Variants in EFCAB3 observed in about 807,000 individuals in gnomAD.
The protein encoded by EFCAB3 is EF-hand calcium-binding domain-containing protein 3.
EFCAB3 carries 36 observed loss-of-function variants against 42.2 expected under a neutral mutation model. The ratio of observed to expected loss-of-function variants is 0.85; its 90% CI spans 0.65 to 1.13. The LOEUF (loss-of-function observed/expected upper bound fraction) is 1.13. Ranked by LOEUF, EFCAB3 falls within the 50% of genes most tolerant of loss-of-function variation. The pLI is 0.00. For synonymous variants in EFCAB3, 170 were observed against 172.8 expected, an observed-to-expected ratio of 0.98 and a Z score of 0.13; for missense variants, 418 against 505.1, an observed-to-expected ratio of 0.83 and a Z score of 1.65.
chr17:62,405,698 T>G (rs1312010746), intron 6 of EFCAB3, among the ~76,000 whole-genome samples: 1 of 152,250 alleles, frequency 6.6e-6, no homozygotes, highest in African/African-American at 2.4e-5. Flanking sequence ...GTCAGATGTT[T>G]ATACTATGGA....
chr17:62,386,828 A>T (rs186980959), intron 2 of EFCAB3, among the ~76,000 whole-genome samples: 136 of 152,072 alleles, frequency 8.9e-4, no homozygotes, highest in Middle Eastern at 6.8e-3. Context: ...TCACTCTGTC[A>T]CCCAGGCTGA....
chr17:62,412,830 T>C (rs1368483577), intron 8 of EFCAB3, among the ~76,000 whole-genome samples: 2 of 148,948 alleles, frequency 1.3e-5, no homozygotes, highest in Admixed American at 6.7e-5. Flanking sequence ...AGGAAGAAAA[T>C]AGAAAGTCCC....
intron 6 of EFCAB3, chr17:62,398,043 A>G: frequency 3.5e-6 from 1 of 283,384 alleles, no homozygotes; most frequent in Non-Finnish European, 6.6e-6. Context: ...AAAAAAAAAA[A>G]AAAGGTGATA....
At chr17:62,373,443 A>C (rs2070128306) in intron 1 of EFCAB3, among the ~76,000 whole-genome samples, 1 of 143,546 alleles carries the variant, frequency 7.0e-6, no homozygotes, top group Non-Finnish European at 1.5e-5. Flanking sequence ...GGAGACCCCC[A>C]TCTCTACAAA....
At chr17:62,406,013 A>C (rs1231681053) in intron 6 of EFCAB3, among the ~76,000 whole-genome samples, 1 of 152,136 alleles carries the variant, frequency 6.6e-6, no homozygotes, top group Non-Finnish European at 1.5e-5. Flanking sequence ...GTTTGCATTC[A>C]AGCTGGTACC....
At chr17:62,374,382 A>T (rs1598002343) in intron 2 of EFCAB3, among the ~76,000 whole-genome samples, 1 of 152,002 alleles carries the variant, frequency 6.6e-6, no homozygotes, top group African/African-American at 2.4e-5. Context: ...AATCGCTTGA[A>T]CCTGGAAGGC....
chr17:62,396,639 T>A (rs547522818), intron 6 of EFCAB3, among the ~76,000 whole-genome samples: 26 of 151,824 alleles, frequency 1.7e-4, no homozygotes, highest in Non-Finnish European at 3.5e-4. Context: ...GCACCTGTAA[T>A]CTCAGCTACT....
intron 6 of EFCAB3, among the ~76,000 whole-genome samples, chr17:62,400,325 C>A (rs2070389876): frequency 6.6e-6 from 1 of 152,004 alleles, no homozygotes; most frequent in Non-Finnish European, 1.5e-5. Flanking sequence ...GTGTGCTGCA[C>A]CCATTAACTC....
intron 9 of EFCAB3, among the ~76,000 whole-genome samples, chr17:62,415,618 C>A (rs184283767): frequency 1.3e-5 from 2 of 152,054 alleles, no homozygotes; most frequent in African/African-American, 4.8e-5. Context: ...CCACTTACTC[C>A]GTCAATTTGA....
At chr17:62,380,439 A>G, upstream of EFCAB3, 2 of 332,898 alleles carry the variant, frequency 6.0e-6, no homozygotes, top group Non-Finnish European at 8.6e-6. Flanking sequence ...GTGCTGAATG[A>G]ACCACACTGA....
At chr17:62,411,589 T>C (rs984656819) in intron 8 of EFCAB3, among the ~76,000 whole-genome samples, 1 of 151,920 alleles carries the variant, frequency 6.6e-6, no homozygotes, top group African/African-American at 2.4e-5. Context: ...GCCAACATGA[T>C]GAAACCCCAT....
intron 3 of EFCAB3, among the ~76,000 whole-genome samples, chr17:62,390,388 A>G (rs957466026): frequency 6.6e-6 from 1 of 152,238 alleles, no homozygotes; most frequent in Non-Finnish European, 1.5e-5. Flanking sequence ...TCATGCAGGT[A>G]CAGGTGCTGG....
chr17:62,373,965 T>C, intron 2 of EFCAB3: 2 of 585,280 alleles, frequency 3.4e-6, no homozygotes, highest in South Asian at 6.6e-5. Flanking sequence ...TATATGTTCA[T>C]TATAGAAAAT....
intron 6 of EFCAB3, among the ~76,000 whole-genome samples, chr17:62,405,000 G>A (rs549672025): frequency 3.3e-5 from 5 of 152,352 alleles, no homozygotes; most frequent in African/African-American, 1.2e-4. Flanking sequence ...ATCAGCTGGA[G>A]TGATTGTTAA....
chr17:62,416,386 T>G lies in EFCAB3; in HGVS notation c.*57T>G. ...AACTACTTTTTCATAGTTATCAAAATTATTGTTTCTTGCTTTTGTCTAAGT... is the reference window on the plus strand; with the variant it reads ...AACTACTTTTTCATAGTTATCAAAAGTATTGTTTCTTGCTTTTGTCTAAGT... On this transcript the variant is annotated 3_prime_UTR_variant, in exon 10 of 10. Coordinates refer to ENST00000305286, the MANE Select transcript of EFCAB3 (RefSeq NM_173503.4). 7.6e-7 allele frequency: 1 copy of G among 1,316,862 alleles called. No individual in the cohort carries two copies. The highest frequency in any genetic ancestry group is 1.0e-6 in the Non-Finnish European group (1 of 967,788). 81.6% of individuals were successfully genotyped at this position (1,316,862 alleles called of 1,614,324 possible).
rs559222572 is a variant in EFCAB3 at position 62,407,313 on chromosome 17, T to C, written c.867+101T>C. 2.7e-4 allele frequency: 307 copies of C among 1,117,944 alleles called. No individual in the cohort carries two copies. The African/African-American group carries it at 4.3e-3, about 16-fold the overall frequency. The allele number at this position is 1,117,944 out of a possible 1,614,324, so 69.3% of individuals were successfully genotyped here. On this transcript the variant is annotated intron_variant, in intron 8 of 9. Coordinates refer to ENST00000305286, the MANE Select transcript of EFCAB3 (RefSeq NM_173503.4). ...TTTTTACAACAAATAGTTTTAGTCA[T>C]TATTTTCAAAGCAGATGCCATAACC...
At chr17:62,375,246 T>C (rs767213550) in intron 2 of EFCAB3, among the ~76,000 whole-genome samples, 1 of 152,256 alleles carries the variant, frequency 6.6e-6, no homozygotes, top group Non-Finnish European at 1.5e-5. Flanking sequence ...TTAGTCCTGT[T>C]GTATTTTATT....
Position 62,396,597 on chromosome 17 carries a change from TA to T in EFCAB3, c.488+1418del, listed in dbSNP as rs889042625. Among the ~76,000 whole-genome samples the T allele has an allele frequency of 6.7e-5, 10 of 149,078 alleles. No homozygotes were observed. The South Asian group carries it at 1.3e-3, about 19-fold the overall frequency. On this transcript the variant is annotated intron_variant, in intron 6 of 9. Coordinates refer to ENST00000305286, the MANE Select transcript of EFCAB3 (RefSeq NM_173503.4). The stretch of plus-strand genomic sequence containing the variant: ...AAAAAAAGAAAATTGAAGCTTCGTT[TA>T]AAAAAAAATTATAGCCAGGCACCAT...
intron 2 of EFCAB3, among the ~76,000 whole-genome samples, chr17:62,386,019 A>G (rs904968558): frequency 2.6e-5 from 4 of 151,600 alleles, no homozygotes; most frequent in Middle Eastern, 3.4e-3. Context: ...GAGCCACCGC[A>G]CCCGGCCTAG....
Sources: gnomAD v4.1 joint callset for allele counts (sites outside exome capture counted in the v4.1 genomes callset) on GRCh38, gnomAD v4.1.1 for gene constraint, MANE v1.5 for transcripts, NCBI Gene and HGNC (gene_info 2026-07-23, HGNC 2026-07-21) for gene names.